Variants in PTPRK observed in about 807,000 individuals in gnomAD.
PTPRK encodes receptor-type tyrosine-protein phosphatase kappa.
PTPRK carries 75 observed loss-of-function variants against 178.0 expected under a neutral mutation model. The observed-to-expected ratio is 0.42, with a 90% CI of 0.35 to 0.51. The LOEUF (loss-of-function observed/expected upper bound fraction) is 0.51, where lower values mean the gene tolerates loss of function less well. PTPRK is among the 20% of genes least tolerant of loss of function. The pLI is 0.02. For synonymous variants in PTPRK, 637 were observed against 620.6 expected (o/e 1.03, Z -0.39); for missense variants, 1,441 against 1,797.8 (o/e 0.80, Z 3.59).
At chr6:128,321,174 T>C (rs1420143562) in intron 3 of PTPRK, 1 of 152,214 alleles carries the variant, frequency 6.6e-6, no homozygotes, top group Admixed American at 6.6e-5. Context: ...TCATAAAATA[T>C]ACTTTTACAT....
chr6:128,377,482 C>G (rs1231415041), intron 2 of PTPRK, among the ~76,000 whole-genome samples: 1 of 152,014 alleles, frequency 6.6e-6, no homozygotes, highest in Non-Finnish European at 1.5e-5. Context: ...ATGGGAGCTA[C>G]AAGATGAGAT....
At chr6:128,141,930 T>C (rs1172988119) in intron 7 of PTPRK, among the ~76,000 whole-genome samples, 1 of 151,938 alleles carries the variant, frequency 6.6e-6, no homozygotes, top group African/African-American at 2.4e-5. Context: ...GATGGTACAA[T>C]ATATTGCCCC....
chr6:128,272,296 G>A (rs1429547553), intron 3 of PTPRK, among the ~76,000 whole-genome samples: 1 of 152,114 alleles, frequency 6.6e-6, no homozygotes, highest in Admixed American at 6.5e-5. Context: ...ACACAGGCAT[G>A]GGCAAGGACC....
At chr6:127,996,563 C>T (rs1777174622) in intron 17 of PTPRK, among the ~76,000 whole-genome samples, 1 of 152,142 alleles carries the variant, frequency 6.6e-6, no homozygotes, top group Admixed American at 6.5e-5. Flanking sequence ...CCTCAACCTC[C>T]TGGGTTCAAG....
chr6:128,158,646 T>C (rs1798275815), intron 7 of PTPRK, among the ~76,000 whole-genome samples: 1 of 151,940 alleles, frequency 6.6e-6, no homozygotes, highest in South Asian at 2.1e-4. Context: ...TTACATAAAC[T>C]TCTGGTTTCT....
intron 2 of PTPRK, among the ~76,000 whole-genome samples, chr6:128,355,996 T>C (rs1036173738): frequency 2.0e-5 from 3 of 152,178 alleles, no homozygotes; most frequent in Non-Finnish European, 4.4e-5. Context: ...GCAAATAGCT[T>C]TGGGAAAAGT....
chr6:128,081,841 A>G (rs913463187), intron 10 of PTPRK, among the ~76,000 whole-genome samples: 2 of 152,074 alleles, frequency 1.3e-5, no homozygotes, highest in African/African-American at 4.8e-5. Context: ...TAAGCTCTGT[A>G]AACAATCTAG....
At chr6:128,239,124 T>TG (rs1034844263) in intron 5 of PTPRK, among the ~76,000 whole-genome samples, 1 of 142,482 alleles carries the variant, frequency 7.0e-6, no homozygotes, top group Admixed American at 6.8e-5. Context: ...AAACTCATCT[T>TG]GTTTTTTTTT....
chr6:128,230,949 A>G (rs1234247377), intron 5 of PTPRK: 5 of 152,198 alleles, frequency 3.3e-5, no homozygotes, highest in African/African-American at 1.2e-4. Context: ...TAAACATTAA[A>G]TTCAGAGTTT....
At chr6:128,191,960 G>C (rs1042687563) in intron 6 of PTPRK, among the ~76,000 whole-genome samples, 3 of 152,126 alleles carry the variant, frequency 2.0e-5, no homozygotes, top group East Asian at 3.9e-4. Context: ...ACTGTGGCCA[G>C]GGAAACACAG....
At chr6:128,334,325 G>A (rs1830637303) in intron 2 of PTPRK, among the ~76,000 whole-genome samples, 1 of 152,098 alleles carries the variant, frequency 6.6e-6, no homozygotes, top group South Asian at 2.1e-4. Context: ...AATAAAACAA[G>A]GTATGCCTGT....
intron 1 of PTPRK, among the ~76,000 whole-genome samples, chr6:128,475,455 CAGG>C (rs1851256270): frequency 6.6e-6 from 1 of 151,992 alleles, no homozygotes; most frequent in African/African-American, 2.4e-5. Flanking sequence ...AAGTGGAAGA[CAGG>C]AGACTACTGC....
intron 3 of PTPRK, among the ~76,000 whole-genome samples, chr6:128,260,173 T>G (rs895033306): frequency 6.6e-6 from 1 of 152,084 alleles, no homozygotes; most frequent in Non-Finnish European, 1.5e-5. Flanking sequence ...CATGGCTTCC[T>G]AAAATATATT....
intron 7 of PTPRK, among the ~76,000 whole-genome samples, chr6:128,096,963 G>A (rs1788017956): frequency 6.6e-6 from 1 of 152,098 alleles, no homozygotes; most frequent in Admixed American, 6.5e-5. Flanking sequence ...TTACCTTTAG[G>A]TGCTTTGTAA....
intron 7 of PTPRK, among the ~76,000 whole-genome samples, chr6:128,098,664 T>A (rs1214821854): frequency 6.6e-6 from 1 of 152,176 alleles, no homozygotes; most frequent in African/African-American, 2.4e-5. Flanking sequence ...ATTTCTAATA[T>A]CTTCATTCGG....
chr6:128,396,927 G>A (rs1037995551), intron 2 of PTPRK, among the ~76,000 whole-genome samples: 1 of 152,142 alleles, frequency 6.6e-6, no homozygotes, highest in South Asian at 2.1e-4. Flanking sequence ...GAACCTGGGA[G>A]GCAGAGATCG....
intron 7 of PTPRK, among the ~76,000 whole-genome samples, chr6:128,106,805 G>T (rs1789796392): frequency 6.6e-6 from 1 of 152,146 alleles, no homozygotes; most frequent in Admixed American, 6.5e-5. Context: ...CAATATAAAT[G>T]AGAGCTCAAG....
chr6:128,168,699 T>C (rs1015948318), intron 7 of PTPRK, among the ~76,000 whole-genome samples: 1 of 152,058 alleles, frequency 6.6e-6, no homozygotes, highest in African/African-American at 2.4e-5. Flanking sequence ...GGTAGCAGCG[T>C]TGCACCCTGA....
intron 2 of PTPRK, among the ~76,000 whole-genome samples, chr6:128,332,333 C>T (rs1830382679): frequency 6.6e-6 from 1 of 152,164 alleles, no homozygotes; most frequent in Non-Finnish European, 1.5e-5. Flanking sequence ...CTTTCCAGTA[C>T]CTTCCAGGAC....
Sources: gnomAD v4.1 joint callset for allele counts (sites outside exome capture counted in the v4.1 genomes callset) on GRCh38, gnomAD v4.1.1 for gene constraint, MANE v1.5 for transcripts, NCBI Gene and HGNC (gene_info 2026-07-23, HGNC 2026-07-21) for gene names.